Variants in ABCC9 observed in about 807,000 individuals in gnomAD.
ABCC9 encodes ATP binding cassette subfamily C member 9, also known as ATP-binding cassette sub-family C member 9.
A neutral mutation model predicts 188.3 loss-of-function variants in ABCC9; 95 were observed. That is an observed-to-expected ratio of 0.50 (90% confidence interval 0.43 to 0.60). ABCC9 has a LOEUF of 0.60. ABCC9 is among the 20% of genes least tolerant of loss of function. The pLI, the probability that ABCC9 is intolerant of heterozygous loss-of-function variation, is 0.00. For missense variants in ABCC9, 1,102 were observed against 1,876.3 expected (o/e 0.59, Z 7.62); for synonymous variants, 659 against 652.7 (o/e 1.01, Z -0.15).
In ABCC9 at chr12:21,908,191, C is replaced by A. The variant is rs763346044; in HGVS notation, c.1341G>T (p.Leu447=). ...MPVQIIMGVI[L]LYNLLGSSAL... is the part of the protein sequence containing the mutation. ...CACTTGATCCAAGTAAATTATAGAGCAGAATCACGCCCATTATGATCTAGA... is the reference window on the plus strand; with the variant it reads ...CACTTGATCCAAGTAAATTATAGAGAAGAATCACGCCCATTATGATCTAGA... Residue 447 remains leucine, a synonymous_variant, in exon 11 of 40, where the codon CTG becomes CTT. Transcript: ENST00000261200. The A allele has an allele frequency of 6.2e-7, 1 of 1,612,340 alleles. No homozygotes were observed. The highest frequency in any genetic ancestry group is 1.1e-5 in the South Asian group (1 of 91,038).
intron 23 of ABCC9, 66 bp downstream of exon 23, chr12:21,852,302 T>C: frequency 6.2e-7 from 1 of 1,612,942 alleles, no homozygotes; most frequent in African/African-American, 1.3e-5. Context: ...CAGAAAGCAT[T>C]TTTTACTGTC....
At position 21,929,335 on chromosome 12, in the gene ABCC9, G is replaced by C. The variant is rs59861962; in HGVS notation, c.285-3272C>G. On this transcript the variant is annotated intron_variant, in intron 4 of 39. Transcript: ENST00000261200. ...AATAAACCAATCAAATTAAACAAAA[G>C]AGCAAACTAAAAAGGATTCCTAAAC... is the stretch of plus-strand genomic sequence containing the variant. Among the ~76,000 whole-genome samples, 246 of 151,772 alleles carry C rather than the reference G, an allele frequency of 1.6e-3. 5 individuals carry two copies. In the East Asian group the frequency reaches 0.039, roughly 24 times the overall value.
intron 31 of ABCC9, among the ~76,000 whole-genome samples, chr12:21,818,463 T>A (rs1169501217): frequency 1.9e-5 from 2 of 102,720 alleles, no homozygotes; most frequent in Non-Finnish European, 4.4e-5. Flanking sequence ...ACTATATATA[T>A]CTATATCTAT....
chr12:21,889,559 C>G (rs1355100980), intron 14 of ABCC9, among the ~76,000 whole-genome samples: 1 of 152,118 alleles, frequency 6.6e-6, no homozygotes, highest in Non-Finnish European at 1.5e-5. Context: ...TCTAGCAATG[C>G]CTGGCACATG....
chr12:21,910,772 T>G (rs1948287091), intron 9 of ABCC9, 54 bp downstream of exon 9: 1 of 1,505,772 alleles, frequency 6.6e-7, no homozygotes, highest in Admixed American at 1.8e-5. Flanking sequence ...TTCTTTTCAC[T>G]GAATGGTATA....
At chr12:21,849,481 C>T (rs1322111987) in intron 24 of ABCC9, among the ~76,000 whole-genome samples, 1 of 152,010 alleles carries the variant, frequency 6.6e-6, no homozygotes, top group Non-Finnish European at 1.5e-5. Context: ...TAAAGAGGAT[C>T]CCTGTCTTGT....
intron 31 of ABCC9, among the ~76,000 whole-genome samples, chr12:21,819,617 C>G (rs1335099495): frequency 6.6e-6 from 1 of 152,148 alleles, no homozygotes; most frequent in African/African-American, 2.4e-5. Context: ...ATGTTTAATT[C>G]ACAAGGATTT....
chr12:21,828,629 G>A, intron 31 of ABCC9: 1 of 357,116 alleles, frequency 2.8e-6, no homozygotes. Context: ...TGAAGGAAAT[G>A]AGTACATCTG....
At position 21,800,738 on chromosome 12, in the gene ABCC9, C is replaced by G. The variant is rs1175305348; in HGVS notation, c.*306G>C. ...ACTTCCATTCCTGAGAGATATTTAC[C>G]AGACTTAAAGTTAGGAGAAAACTTT... On this transcript the variant is annotated 3_prime_UTR_variant, in exon 40 of 40. Transcript: ENST00000261200. 1.1e-5 allele frequency: 4 copies of G among 361,974 alleles called. No individual in the cohort carries two copies. The East Asian group carries it at 2.7e-4, about 24-fold the overall frequency. The allele number at this position is 361,974 out of a possible 1,614,324, so 22.4% of individuals were successfully genotyped here.
At chr12:21,856,439 G>A (rs1945228523) in intron 22 of ABCC9, among the ~76,000 whole-genome samples, 1 of 151,996 alleles carries the variant, frequency 6.6e-6, no homozygotes, top group South Asian at 2.1e-4. Context: ...TTATATGGAT[G>A]TATTTTTGGA....
chr12:21,815,871 A>G lies in ABCC9; in HGVS notation c.3915T>C (p.His1305=), dbSNP rs1005409097. Reference sequence around the variant, plus strand: ...TCTTGATCTCCCCTTCTTGTGGCCAATGTTCTGGAACTTGAGAAGGATCTG... The same window carrying G: ...TCTTGATCTCCCCTTCTTGTGGCCAGTGTTCTGGAACTTGAGAAGGATCTG... ...GTMDPSQVPE[H]WPQEGEIKIH... Residue 1305 remains histidine (H), a synonymous_variant, in exon 34 of 40, where the codon CAT becomes CAC. Transcript: ENST00000261200. 15 of 1,613,108 alleles carry G rather than the reference A, an allele frequency of 9.3e-6. No homozygotes were observed. Among genetic ancestry groups the G allele is most frequent in the Non-Finnish European group, 1.3e-5 (15 of 1,179,572 alleles).
intron 16 of ABCC9, among the ~76,000 whole-genome samples, chr12:21,875,938 G>C (rs1946318708): frequency 6.6e-6 from 1 of 152,100 alleles, no homozygotes; most frequent in African/African-American, 2.4e-5. Flanking sequence ...CAAAAAATTA[G>C]CCGGGCGTGG....
chr12:21,799,259 T>TAAAAAAAAAAAA lies in ABCC9; in HGVS notation c.*1773_*1784dup, dbSNP rs536748638. 1 of 118,468 alleles carries TAAAAAAAAAAAA rather than the reference T, an allele frequency of 8.4e-6. No individual in the cohort carries two copies. Among genetic ancestry groups the TAAAAAAAAAAAA allele is most frequent in the African/African-American group, 3.1e-5 (1 of 31,934 alleles). The allele number at this position is 118,468 out of a possible 1,614,324, so 7.3% of individuals were successfully genotyped here. On this transcript the variant is annotated 3_prime_UTR_variant, in exon 40 of 40. Coordinates refer to ENST00000261200, the MANE Select transcript of ABCC9 (RefSeq NM_020297.4). ...ACTTAAAGTATATTAAAAAAAAAAT[T>TAAAAAAAAAAAA]AAAAAAAAAAAAGAAAAAAAAAAGA...
rs150627958 is a variant in ABCC9 at position 21,915,720 on chromosome 12, A to G, written c.764T>C (p.Met255Thr). ...GCAAACATAATTTGTTACTGCTCTC[A>G]TTGCTATTGGCAATTTTCCAATTGC... The part of the protein sequence containing the change: ...LKAIGKLPIA[M>T]RAVTNYVCLK... The change falls in exon 7 of 40, where the codon ATG becomes ACG. Residue 255 changes from methionine to threonine, a missense_variant. Met to Thr is a moderately conservative substitution (Grantham distance 81, BLOSUM62 -1). This residue lies in a region of ABCC9 where 305 missense variants were observed against 573.0 expected (regional missense o/e 0.53). Transcript: ENST00000261200. The G allele has an allele frequency of 3.0e-5, 48 of 1,611,954 alleles. No individual in the cohort carries two copies. The highest frequency in any genetic ancestry group is 3.6e-5 in the Non-Finnish European group (43 of 1,179,280).
rs1452786999 is a variant in ABCC9 at position 21,936,695 on chromosome 12, C to T, written c.-20-1G>A. 2 of 1,594,494 alleles carry T rather than the reference C, an allele frequency of 1.3e-6. No individual in the cohort carries two copies. The highest frequency in any genetic ancestry group is 8.6e-7 in the Non-Finnish European group (1 of 1,164,530). ...CTCATTTCTTCTTATATGGTTTACT[C>T]TAAAAGGGAGAGAAATGAGAAAGAA... On this transcript the variant is annotated splice_acceptor_variant, in intron 2 of 39. Coordinates refer to ENST00000261200, the MANE Select transcript of ABCC9 (RefSeq NM_020297.4). LOFTEE classifies it low-confidence loss of function (5UTR_SPLICE).
At chr12:21,908,325 T>C in intron 10 of ABCC9, 114 bp from the exon 11 acceptor site, 1 of 1,342,810 alleles carries the variant, frequency 7.4e-7, no homozygotes. Flanking sequence ...TATTGTTTAT[T>C]TGGAAGTCAA....
intron 5 of ABCC9, 142 bp downstream of exon 5, chr12:21,925,800 G>T: frequency 1.1e-6 from 1 of 922,870 alleles, no homozygotes. Flanking sequence ...GCAGCTACAG[G>T]AGAATTAATC....
chr12:21,879,023 G>A (rs540927647), intron 16 of ABCC9, among the ~76,000 whole-genome samples: 46 of 152,258 alleles, frequency 3.0e-4, no homozygotes, highest in African/African-American at 8.9e-4. Context: ...TCATCATAAC[G>A]GGGTTTATGA....
chr12:21,882,127 T>A (rs760448611), intron 16 of ABCC9, among the ~76,000 whole-genome samples: 1 of 152,150 alleles, frequency 6.6e-6, no homozygotes, highest in Non-Finnish European at 1.5e-5. Flanking sequence ...GAATTGGATA[T>A]CCTCCAGTAG....
Sources: gnomAD v4.1 joint callset for allele counts (sites outside exome capture counted in the v4.1 genomes callset) on GRCh38, gnomAD v4.1.1 for gene constraint, gnomAD v4.1.1 regional missense constraint, MANE v1.5 for transcripts, NCBI Gene and HGNC (gene_info 2026-07-23, HGNC 2026-07-21) for gene names.